SPATA22: variants seen among roughly 807,000 people sequenced by gnomAD.
The protein encoded by SPATA22 is spermatogenesis-associated protein 22.
SPATA22 carries 29 observed loss-of-function variants against 47.8 expected under a neutral mutation model. The observed-to-expected ratio is 0.61, with a 90% confidence interval of 0.45 to 0.83. SPATA22 has a LOEUF of 0.83. SPATA22 is among the 40% of genes least tolerant of loss of function. The pLI, the probability that SPATA22 is intolerant of heterozygous loss-of-function variation, is 0.00. For synonymous variants in SPATA22, 133 were observed against 140.9 expected, an observed-to-expected ratio of 0.94 and a Z score of 0.40; for missense variants, 410 against 421.7, an observed-to-expected ratio of 0.97 and a Z score of 0.24.
intron 5 of SPATA22, among the ~76,000 whole-genome samples, chr17:3,458,143 T>C (rs975899390): frequency 4.6e-5 from 7 of 152,054 alleles, no homozygotes. Flanking sequence ...AACAACACAA[T>C]TTAAAGATGG....
upstream of SPATA22, among the ~76,000 whole-genome samples, chr17:3,473,138 C>A (rs565400225): frequency 5.4e-5 from 8 of 148,014 alleles, no homozygotes; most frequent in Admixed American, 4.1e-4. Context: ...CCACCTTAAG[C>A]CGATTACTTC....
rs1198488977 is a variant in SPATA22 at position 3,513,352 on chromosome 17, G to A, written c.-74+60C>T. The A allele has an allele frequency of 3.3e-4, 50 of 153,002 alleles. 1 individual carries two copies. Among genetic ancestry groups the A allele is most frequent in the South Asian group, 6.2e-4 (3 of 4,844 alleles). 9.5% of individuals were successfully genotyped at this position (153,002 alleles called of 1,614,324 possible). ...CAAGGATGGTCTCCTTTTCCCCGAA[G>A]GGTTCCGGAAGGGTGTTTCCAGAGC... On this transcript the variant is annotated intron_variant, in intron 1 of 8. Coordinates refer to the SPATA22 transcript ENST00000541913.
intron 7 of SPATA22, among the ~76,000 whole-genome samples, chr17:3,445,171 G>A (rs577997481): frequency 7.0e-4 from 107 of 152,096 alleles, no homozygotes; most frequent in African/African-American, 2.4e-3. Flanking sequence ...AGTCCAACAG[G>A]GGTTAAGATC....
intron 1 of SPATA22, chr17:3,501,001 G>A (rs1345573891): frequency 7.2e-5 from 11 of 152,144 alleles, no homozygotes; most frequent in Non-Finnish European, 1.6e-4. Flanking sequence ...AATACACCAT[G>A]TTACCCAAGA....
intron 1 of SPATA22, among the ~76,000 whole-genome samples, chr17:3,495,379 A>G (rs1292027023): frequency 1.3e-5 from 2 of 152,144 alleles, no homozygotes; most frequent in Non-Finnish European, 2.9e-5. Flanking sequence ...TCAGGATTGA[A>G]AAACACTGAT....
chr17:3,443,960 C>T (rs979394117), intron 7 of SPATA22, among the ~76,000 whole-genome samples: 2 of 152,028 alleles, frequency 1.3e-5, no homozygotes, highest in South Asian at 4.1e-4. Context: ...CTCCTCTGTG[C>T]ATTAAGTCTC....
At chr17:3,455,078 T>G (rs1160843453) in intron 5 of SPATA22, among the ~76,000 whole-genome samples, 1 of 152,194 alleles carries the variant, frequency 6.6e-6, no homozygotes, top group African/African-American at 2.4e-5. Context: ...TCATGTGTCT[T>G]TTGGCTGCAT....
intron 5 of SPATA22, among the ~76,000 whole-genome samples, chr17:3,461,695 C>G (rs962098206): frequency 6.6e-6 from 1 of 152,012 alleles, no homozygotes; most frequent in South Asian, 2.1e-4. Context: ...AAAGTTCCCC[C>G]TTTTAAAAAA....
At chr17:3,463,668 A>T (rs1026107181) in intron 3 of SPATA22, among the ~76,000 whole-genome samples, 2 of 151,708 alleles carry the variant, frequency 1.3e-5, no homozygotes, top group African/African-American at 4.8e-5. Flanking sequence ...TATAAAAAAA[A>T]ATAAACTGTG....
At chr17:3,457,967 A>G (rs1201266305) in intron 5 of SPATA22, among the ~76,000 whole-genome samples, 4 of 152,232 alleles carry the variant, frequency 2.6e-5, no homozygotes, top group Non-Finnish European at 4.4e-5. Flanking sequence ...GCAAAAGGAA[A>G]TATTTGAGAA....
At chr17:3,453,870 C>T (rs117013264) in intron 5 of SPATA22, among the ~76,000 whole-genome samples, 1,524 of 152,152 alleles carry the variant, frequency 0.01, 9 homozygotes, top group Middle Eastern at 0.02. Flanking sequence ...CTTGGAAGTC[C>T]TAGCCAATCA....
chr17:3,498,928 T>C, intron 1 of SPATA22: 3 of 1,608,692 alleles, frequency 1.9e-6, no homozygotes, highest in South Asian at 2.2e-5. Context: ...GGGGATCCCA[T>C]GTTTTTAACT....
chr17:3,459,549 G>A (rs983628977), intron 5 of SPATA22, among the ~76,000 whole-genome samples: 1 of 152,106 alleles, frequency 6.6e-6, no homozygotes, highest in Admixed American at 6.5e-5. Context: ...GGGATTACAG[G>A]CATGCGCCAC....
chr17:3,485,265 C>T lies in SPATA22; in HGVS notation c.-73-15867G>A, dbSNP rs2073699174. Among the ~76,000 whole-genome samples the T allele has an allele frequency of 6.6e-6, 1 of 152,192 alleles. No individual in the cohort carries two copies. Among genetic ancestry groups the T allele is most frequent in the African/African-American group, 2.4e-5 (1 of 41,440 alleles). On this transcript the variant is annotated intron_variant, in intron 1 of 8. Coordinates refer to the SPATA22 transcript ENST00000541913. The surrounding 1 kb of genome is among the most constrained non-coding windows in gnomAD (Gnocchi z 4.4). Reference sequence around the variant, plus strand: ...ATTCAAGCGATCCTCCCACCTTGGCCTCCCAAAGTGCTGGGATTACAAGCG... The same window carrying T: ...ATTCAAGCGATCCTCCCACCTTGGCTTCCCAAAGTGCTGGGATTACAAGCG...
chr17:3,509,209 A>G (rs988107543), intron 1 of SPATA22, among the ~76,000 whole-genome samples: 1 of 152,008 alleles, frequency 6.6e-6, no homozygotes, highest in Non-Finnish European at 1.5e-5. Context: ...CTTCCAAAAA[A>G]AAAAGGGGGG....
At chr17:3,489,576 G>A (rs546256613) in intron 1 of SPATA22, among the ~76,000 whole-genome samples, 8 of 148,436 alleles carry the variant, frequency 5.4e-5, no homozygotes, top group East Asian at 4.0e-4. Flanking sequence ...AAGAAAAGAC[G>A]AGAAAATACA....
intron 5 of SPATA22, among the ~76,000 whole-genome samples, chr17:3,458,882 T>C (rs1326265507): frequency 3.0e-5 from 2 of 66,258 alleles, no homozygotes; most frequent in Non-Finnish European, 7.8e-5. Context: ...AAAAAAAAAT[T>C]CCAAGATACG....
At chr17:3,461,632 A>T (rs995403650) in intron 5 of SPATA22, among the ~76,000 whole-genome samples, 2 of 152,316 alleles carry the variant, frequency 1.3e-5, no homozygotes, top group East Asian at 1.9e-4. Context: ...TAAAATCAAA[A>T]CTAATTTTTA....
chr17:3,456,924 A>G (rs1435857581), intron 5 of SPATA22, among the ~76,000 whole-genome samples: 2 of 151,214 alleles, frequency 1.3e-5, no homozygotes, highest in Non-Finnish European at 2.9e-5. Flanking sequence ...AATCCAGCAT[A>G]TAAACAGAGC....
Sources: gnomAD v4.1 joint callset for allele counts (sites outside exome capture counted in the v4.1 genomes callset) on GRCh38, gnomAD v4.1.1 for gene constraint, Gnocchi (gnomAD v3.1) non-coding constraint, MANE v1.5 for transcripts, NCBI Gene and HGNC (gene_info 2026-07-23, HGNC 2026-07-21) for gene names.